Variants in FHIT observed in about 807,000 individuals in gnomAD.
FHIT encodes the protein fragile histidine triad diadenosine triphosphatase, also known as bis(5'-adenosyl)-triphosphatase.
FHIT carries 19 observed loss-of-function variants against 17.9 expected under a neutral mutation model. The ratio of observed to expected loss-of-function variants is 1.06; its 90% CI spans 0.74 to 1.56. The LOEUF (loss-of-function observed/expected upper bound fraction) is 1.56, where lower values mean the gene tolerates loss of function less well. Ranked by LOEUF, FHIT falls within the 40% of genes most tolerant of loss-of-function variation. The pLI is 0.00. For missense variants in FHIT, 248 were observed against 189.2 expected (o/e 1.31, Z -1.82); for synonymous variants, 81 against 69.7 (o/e 1.16, Z -0.81).
chr3:60,988,246 A>G (rs1398552202), intron 3 of FHIT, among the ~76,000 whole-genome samples: 1 of 152,214 alleles, frequency 6.6e-6, no homozygotes, highest in African/African-American at 2.4e-5. Context: ...AATGTAATGT[A>G]ATATTTTAAC....
At chr3:61,111,431 T>C (rs1239657358) in intron 2 of FHIT, among the ~76,000 whole-genome samples, 2 of 152,162 alleles carry the variant, frequency 1.3e-5, no homozygotes, top group Non-Finnish European at 2.9e-5. Context: ...TCTTAGGACA[T>C]ACATTTGGAG....
intron 5 of FHIT, among the ~76,000 whole-genome samples, chr3:60,066,660 T>TTTTTG: frequency 1.3e-5 from 1 of 77,316 alleles, no homozygotes; most frequent in African/African-American, 6.6e-5. Flanking sequence ...TTTTTTTTTT[T>TTTTTG]TTTTTTTTTT....
At chr3:60,326,672 C>T (rs966948459) in intron 5 of FHIT, among the ~76,000 whole-genome samples, 2 of 152,170 alleles carry the variant, frequency 1.3e-5, no homozygotes, top group African/African-American at 4.8e-5. Context: ...ATGGTAATTA[C>T]TGTGTACGAT....
chr3:60,234,529 T>A (rs1357400523), intron 5 of FHIT, among the ~76,000 whole-genome samples: 1 of 152,240 alleles, frequency 6.6e-6, no homozygotes, highest in African/African-American at 2.4e-5. Flanking sequence ...TTATGATTGC[T>A]ATATCTCGAG....
chr3:60,195,207 A>G (rs1365698115), intron 5 of FHIT, among the ~76,000 whole-genome samples: 1 of 151,980 alleles, frequency 6.6e-6, no homozygotes, highest in Non-Finnish European at 1.5e-5. Context: ...CCACAGTAAG[A>G]CACCATTTTA....
intron 4 of FHIT, among the ~76,000 whole-genome samples, chr3:60,633,769 G>T (rs2039507592): frequency 6.6e-6 from 1 of 152,138 alleles, no homozygotes; most frequent in African/African-American, 2.4e-5. Flanking sequence ...CAAGCGAGGA[G>T]AAAGCATGAG....
chr3:60,592,055 A>G (rs1222051265), intron 4 of FHIT, among the ~76,000 whole-genome samples: 1 of 151,868 alleles, frequency 6.6e-6, no homozygotes, highest in Non-Finnish European at 1.5e-5. Context: ...CCCTTTAATG[A>G]AAAGCTGTTA....
intron 1 of FHIT, among the ~76,000 whole-genome samples, chr3:61,210,734 C>T (rs1471447862): frequency 6.6e-6 from 1 of 152,054 alleles, no homozygotes; most frequent in Non-Finnish European, 1.5e-5. Flanking sequence ...AAAGGGAATT[C>T]ACTGACCCCT....
chr3:61,191,911 C>G (rs771293209), intron 2 of FHIT, among the ~76,000 whole-genome samples: 4 of 152,104 alleles, frequency 2.6e-5, no homozygotes, highest in Non-Finnish European at 5.9e-5. Flanking sequence ...AGCCCCATTC[C>G]GCGTGCCAGT....
chr3:60,115,167 T>C (rs1252357753), intron 5 of FHIT, among the ~76,000 whole-genome samples: 3 of 151,942 alleles, frequency 2.0e-5, no homozygotes, highest in Non-Finnish European at 2.9e-5. Flanking sequence ...AAGGAAAAAA[T>C]GAAACATAAC....
intron 4 of FHIT, among the ~76,000 whole-genome samples, chr3:60,803,030 A>G (rs1056083871): frequency 6.6e-6 from 1 of 152,152 alleles, no homozygotes; most frequent in Non-Finnish European, 1.5e-5. Flanking sequence ...AAATAAATAA[A>G]TAAATAGGAG....
At chr3:61,183,879 C>A (rs1363438618) in intron 2 of FHIT, among the ~76,000 whole-genome samples, 3 of 148,372 alleles carry the variant, frequency 2.0e-5, no homozygotes, top group Non-Finnish European at 3.0e-5. Flanking sequence ...ATGGGCAAAG[C>A]ATCATGGGCA....
intron 4 of FHIT, among the ~76,000 whole-genome samples, chr3:60,582,462 C>T (rs1271116101): frequency 6.6e-6 from 1 of 152,026 alleles, no homozygotes; most frequent in African/African-American, 2.4e-5. Context: ...ATCATTTTCT[C>T]CCCTTACCAG....
chr3:59,787,477 GCAAAA>G (rs1699355100), intron 8 of FHIT, among the ~76,000 whole-genome samples: 1 of 122,042 alleles, frequency 8.2e-6, no homozygotes, highest in Non-Finnish European at 1.6e-5. Flanking sequence ...AGCACAAGGG[GCAAAA>G]CACACACACA....
chr3:60,948,030 C>T (rs1708713528), intron 3 of FHIT, among the ~76,000 whole-genome samples: 2 of 152,102 alleles, frequency 1.3e-5, no homozygotes. Flanking sequence ...AAGATAAAGC[C>T]TCTGTAGGGT....
chr3:60,751,730 A>C (rs1053686901), intron 4 of FHIT, among the ~76,000 whole-genome samples: 1 of 135,620 alleles, frequency 7.4e-6, no homozygotes. Flanking sequence ...AAAATCTTTA[A>C]TGGTAGTATT....
At chr3:60,926,336 C>T (rs1553769881) in intron 3 of FHIT, among the ~76,000 whole-genome samples, 1 of 152,130 alleles carries the variant, frequency 6.6e-6, no homozygotes, top group African/African-American at 2.4e-5. Flanking sequence ...TGTAAAATAA[C>T]AGAAATTATA....
chr3:61,195,813 A>C (rs1381585082), intron 2 of FHIT, among the ~76,000 whole-genome samples: 1 of 152,190 alleles, frequency 6.6e-6, no homozygotes, highest in Non-Finnish European at 1.5e-5. Flanking sequence ...TACAACTATA[A>C]AATGGAAATA....
At chr3:60,617,048 G>A (rs573284245) in intron 4 of FHIT, 28 of 210,398 alleles carry the variant, frequency 1.3e-4, no homozygotes, top group African/African-American at 6.0e-4. Context: ...AGTGGATACT[G>A]ACATGGCAAA....
Sources: gnomAD v4.1 joint callset for allele counts (sites outside exome capture counted in the v4.1 genomes callset) on GRCh38, gnomAD v4.1.1 for gene constraint, MANE v1.5 for transcripts, NCBI Gene and HGNC (gene_info 2026-07-23, HGNC 2026-07-21) for gene names.